ZNF804B: variants seen among roughly 807,000 people sequenced by gnomAD.
The protein encoded by ZNF804B is zinc finger 804B.
Under a neutral mutation model 101.4 loss-of-function variants are expected in ZNF804B, and 80 were observed. That is an observed-to-expected ratio of 0.79 (90% CI 0.66 to 0.95). The LOEUF is 0.95. Among genes scored for constraint, ZNF804B ranks in the 40% least tolerant of loss-of-function variants. ZNF804B has a pLI of 0.00. For synonymous variants in ZNF804B, 622 were observed against 558.8 expected, an observed-to-expected ratio of 1.11 and a Z score of -1.59; for missense variants, 1,673 against 1,561.9, an observed-to-expected ratio of 1.07 and a Z score of -1.20.
chr7:89,171,353 TTCTTCCTCCTCTTCCTCTTCTTCC>T (rs1296265545), intron 1 of ZNF804B, among the ~76,000 whole-genome samples: 53 of 94,862 alleles, frequency 5.6e-4, no homozygotes, highest in Non-Finnish European at 1.0e-3. Context: ...CTTCTTCTTC[TTCTTCCTCCTCTTCCTCTTCTTCC>T]TCTTCTTCCT....
chr7:89,141,946 C>A (rs907586356), intron 1 of ZNF804B, among the ~76,000 whole-genome samples: 5 of 151,298 alleles, frequency 3.3e-5, no homozygotes. Flanking sequence ...TCATCAAGTT[C>A]AAGATAGTTT....
intron 2 of ZNF804B, among the ~76,000 whole-genome samples, chr7:89,302,617 T>C (rs1790493581): frequency 6.6e-6 from 1 of 151,948 alleles, no homozygotes; most frequent in Admixed American, 6.6e-5. Flanking sequence ...TTTCAATTCA[T>C]AGCTTCCTTG....
rs1363793638 is a variant in ZNF804B at position 89,327,461 on chromosome 7, C to A, written c.367C>A (p.Gln123Lys). Residue 123 changes from glutamine (Q) to lysine (K), a missense_variant, in exon 3 of 4, where the codon CAG becomes AAG. Transcript: ENST00000333190. ...KRLHQLAELRQQSECVSGNGP... is the reference protein window; with the variant it reads ...KRLHQLAELRKQSECVSGNGP... ...ACTTCATCAGCTGGCTGAGTTAAGG[C>A]AGCAATCTGAATGGTAAGAATTAAA... 1 of 1,610,112 alleles carries A rather than the reference C, an allele frequency of 6.2e-7. No homozygotes were observed.
intron 1 of ZNF804B, among the ~76,000 whole-genome samples, chr7:89,064,096 A>G (rs772188395): frequency 1.6e-4 from 25 of 152,154 alleles, no homozygotes; most frequent in Non-Finnish European, 3.1e-4. Flanking sequence ...AGGATTGGGC[A>G]GAGGGAGAGG....
In ZNF804B at chr7:89,133,783, C is replaced by T. The variant is rs574918647; in HGVS notation, c.109-84372C>T. Among the ~76,000 whole-genome samples, 7 of 152,158 alleles carry T rather than the reference C, an allele frequency of 4.6e-5. No individual in the cohort carries two copies. The South Asian group carries it at 1.4e-3, about 32-fold the overall frequency. ...GTTTCTACAAGGAAAATACTGCTAACAGTAAACTGTTTATATATAGAAAAG... is the reference window on the plus strand; with the variant it reads ...GTTTCTACAAGGAAAATACTGCTAATAGTAAACTGTTTATATATAGAAAAG... On this transcript the variant is annotated intron_variant, in intron 1 of 3. Coordinates refer to ENST00000333190, the MANE Select transcript of ZNF804B (RefSeq NM_181646.5).
chr7:89,273,156 A>G (rs1312298308), intron 2 of ZNF804B, among the ~76,000 whole-genome samples: 3 of 152,134 alleles, frequency 2.0e-5, no homozygotes, highest in African/African-American at 7.2e-5. Flanking sequence ...CTTCAAAAGT[A>G]GTTTTGAGGA....
intron 2 of ZNF804B, among the ~76,000 whole-genome samples, chr7:89,305,295 T>G (rs1790543571): frequency 6.6e-6 from 1 of 152,008 alleles, no homozygotes; most frequent in Non-Finnish European, 1.5e-5. Context: ...ATTTTGAACA[T>G]GAAAGCAGAG....
chr7:88,895,067 T>TGG (rs1017260364), intron 1 of ZNF804B, among the ~76,000 whole-genome samples: 1 of 152,160 alleles, frequency 6.6e-6, no homozygotes, highest in African/African-American at 2.4e-5. Context: ...ATCTCACTGA[T>TGG]GGGGGTATAG....
chr7:88,784,610 C>T (rs1054018806), intron 1 of ZNF804B, among the ~76,000 whole-genome samples: 14 of 152,008 alleles, frequency 9.2e-5, no homozygotes, highest in African/African-American at 1.9e-4. Context: ...AAATATACTC[C>T]GCACATTCAC....
At chr7:89,187,577 T>A (rs1444879849) in intron 1 of ZNF804B, among the ~76,000 whole-genome samples, 1 of 152,216 alleles carries the variant, frequency 6.6e-6, no homozygotes, top group Admixed American at 6.5e-5. Context: ...TAAAATTTAC[T>A]GTAATCTCTT....
intron 1 of ZNF804B, among the ~76,000 whole-genome samples, chr7:88,763,932 C>T (rs912314820): frequency 3.3e-5 from 5 of 152,090 alleles, no homozygotes; most frequent in African/African-American, 4.8e-5. Context: ...ATGGGCTGCT[C>T]TGAAAAGTTG....
At chr7:88,941,451 C>G (rs948713816) in intron 1 of ZNF804B, among the ~76,000 whole-genome samples, 6 of 151,738 alleles carry the variant, frequency 4.0e-5, no homozygotes, top group African/African-American at 1.5e-4. Flanking sequence ...AACTATCAAG[C>G]AATAAAAAGA....
intron 1 of ZNF804B, among the ~76,000 whole-genome samples, chr7:88,877,061 T>TGAAAAAAAAAA (rs1562820521): frequency 1.5e-5 from 1 of 64,640 alleles, no homozygotes; most frequent in Non-Finnish European, 2.9e-5. Flanking sequence ...TTTTTTTTTT[T>TGAAAAAAAAAA]TTTTTTTTTT....
chr7:89,236,477 C>CAT (rs1017345069), intron 2 of ZNF804B, among the ~76,000 whole-genome samples: 1 of 152,028 alleles, frequency 6.6e-6, no homozygotes, highest in African/African-American at 2.4e-5. Flanking sequence ...TCCATTCATA[C>CAT]ATATATAGAG....
At chr7:89,279,171 A>C (rs958516893) in intron 2 of ZNF804B, among the ~76,000 whole-genome samples, 4 of 152,114 alleles carry the variant, frequency 2.6e-5, no homozygotes, top group African/African-American at 9.6e-5. Flanking sequence ...TTGGTGTATA[A>C]GAATGCTTGT....
chr7:89,093,463 A>G (rs1583982142), intron 1 of ZNF804B, among the ~76,000 whole-genome samples: 1 of 152,232 alleles, frequency 6.6e-6, no homozygotes, highest in East Asian at 1.9e-4. Flanking sequence ...GGAGTTTTAA[A>G]AAATTTGTAT....
chr7:89,227,508 A>T (rs1037949729), intron 2 of ZNF804B, among the ~76,000 whole-genome samples: 1 of 152,262 alleles, frequency 6.6e-6, no homozygotes, highest in Non-Finnish European at 1.5e-5. Flanking sequence ...GAAAGTGAAC[A>T]TATAAAATAT....
chr7:89,277,829 T>G (rs1322801119), intron 2 of ZNF804B, among the ~76,000 whole-genome samples: 2 of 152,104 alleles, frequency 1.3e-5, no homozygotes, highest in Non-Finnish European at 2.9e-5. Flanking sequence ...TGTGTCTTTA[T>G]AGCAGCATGA....
chr7:89,210,567 G>C (rs559364400), intron 1 of ZNF804B, among the ~76,000 whole-genome samples: 1 of 152,056 alleles, frequency 6.6e-6, no homozygotes. Flanking sequence ...TCATCATTCA[G>C]CTCCCACTTA....
Sources: allele counts gnomAD v4.1 joint callset (sites outside exome capture counted in the v4.1 genomes callset), GRCh38; gene constraint gnomAD v4.1.1; transcripts MANE v1.5; gene names NCBI Gene and HGNC (gene_info 2026-07-23, HGNC 2026-07-21).